Variants in HMGCLL1 observed in about 807,000 individuals in gnomAD.
HMGCLL1 encodes 3-hydroxymethyl-3-methylglutaryl-CoA lyase, cytoplasmic.
A neutral mutation model predicts 39.1 loss-of-function variants in HMGCLL1; 36 were observed. The ratio of observed to expected loss-of-function variants is 0.92; its 90% CI spans 0.71 to 1.22. The LOEUF (loss-of-function observed/expected upper bound fraction) is 1.22, where lower values mean the gene tolerates loss of function less well. Ranked by LOEUF, HMGCLL1 falls within the 50% of genes most tolerant of loss-of-function variation. The pLI is 0.00. For missense variants in HMGCLL1, 451 were observed against 416.5 expected, an observed-to-expected ratio of 1.08 and a Z score of -0.72; for synonymous variants, 149 against 144.0, an observed-to-expected ratio of 1.03 and a Z score of -0.25.
chr6:55,449,827 G>A (rs1764002064), intron 7 of HMGCLL1, among the ~76,000 whole-genome samples: 2 of 152,102 alleles, frequency 1.3e-5, no homozygotes, highest in South Asian at 4.1e-4. Flanking sequence ...GGAAGGAGCT[G>A]CTAACAGTAT....
chr6:55,628,858 G>T, the HMGCLL1 span, among the ~76,000 whole-genome samples: 1 of 152,090 alleles, frequency 6.6e-6, no homozygotes, highest in Non-Finnish European at 1.5e-5. Flanking sequence ...AGTAAGACTT[G>T]ACTTGTTCCT....
intron 3 of HMGCLL1, among the ~76,000 whole-genome samples, chr6:55,522,225 A>G (rs1768078202): frequency 6.6e-6 from 1 of 152,012 alleles, no homozygotes; most frequent in South Asian, 2.1e-4. Context: ...AACATTTAAT[A>G]ACCCTAAACT....
chr6:55,562,281 A>T (rs1581952604), intron 1 of HMGCLL1, among the ~76,000 whole-genome samples: 1 of 152,154 alleles, frequency 6.6e-6, no homozygotes, highest in East Asian at 1.9e-4. Flanking sequence ...ATTTGTTTAG[A>T]ATATACAGTG....
intron 8 of HMGCLL1, among the ~76,000 whole-genome samples, chr6:55,438,903 G>A (rs1446980414): frequency 6.6e-6 from 1 of 151,974 alleles, no homozygotes; most frequent in East Asian, 1.9e-4. Context: ...TGGTTACATA[G>A]CACGTGACTT....
chr6:55,606,909 A>G, the HMGCLL1 span, among the ~76,000 whole-genome samples: 1 of 152,172 alleles, frequency 6.6e-6, no homozygotes, highest in Non-Finnish European at 1.5e-5. Context: ...AAAGGGAGAG[A>G]GAGAAAGAGA....
intron 6 of HMGCLL1, among the ~76,000 whole-genome samples, chr6:55,495,835 C>A (rs187393771): frequency 1.2e-3 from 188 of 152,020 alleles, no homozygotes; most frequent in African/African-American, 4.3e-3. Flanking sequence ...TCAAGTTTGC[C>A]TTAGAGTCAT....
the HMGCLL1 span, among the ~76,000 whole-genome samples, chr6:55,591,499 C>T: frequency 2.6e-5 from 4 of 151,926 alleles, no homozygotes; most frequent in South Asian, 4.2e-4. Context: ...TATTGCTACA[C>T]ATTTATAAAA....
chr6:55,650,484 C>G, the HMGCLL1 span, among the ~76,000 whole-genome samples: 1 of 151,790 alleles, frequency 6.6e-6, no homozygotes, highest in Non-Finnish European at 1.5e-5. Flanking sequence ...CTCTCTCTCT[C>G]TGTTTGTGCT....
the HMGCLL1 span, among the ~76,000 whole-genome samples, chr6:55,585,421 T>C: frequency 6.6e-6 from 1 of 152,134 alleles, no homozygotes; most frequent in African/African-American, 2.4e-5. Flanking sequence ...TATAAAAATA[T>C]CTTTGTTTCC....
At chr6:55,636,896 G>T in the HMGCLL1 span, among the ~76,000 whole-genome samples, 4 of 152,034 alleles carry the variant, frequency 2.6e-5, no homozygotes, top group African/African-American at 7.2e-5. Context: ...AGTATAGGAC[G>T]GTACAAAGGG....
At chr6:55,636,889 A>T in the HMGCLL1 span, among the ~76,000 whole-genome samples, 1 of 152,152 alleles carries the variant, frequency 6.6e-6, no homozygotes, top group Non-Finnish European at 1.5e-5. Context: ...CACCTGGAGT[A>T]TAGGACGGTA....
At chr6:55,587,822 G>A in the HMGCLL1 span, among the ~76,000 whole-genome samples, 714 of 152,134 alleles carry the variant, frequency 4.7e-3, 8 homozygotes, top group African/African-American at 0.016. Flanking sequence ...ATCACATAAT[G>A]GTAAAGGGAT....
chr6:55,652,273 A>T, the HMGCLL1 span, among the ~76,000 whole-genome samples: 1 of 151,956 alleles, frequency 6.6e-6, no homozygotes, highest in African/African-American at 2.4e-5. Context: ...CTCTTATAAA[A>T]TCTTTTTTTT....
chr6:55,474,971 G>C (rs1001401105), intron 7 of HMGCLL1, among the ~76,000 whole-genome samples: 9 of 151,500 alleles, frequency 5.9e-5, no homozygotes, highest in African/African-American at 1.9e-4. Flanking sequence ...GAGCCCTTTC[G>C]GTGTGGTGAT....
At chr6:55,667,880 T>C in the HMGCLL1 span, among the ~76,000 whole-genome samples, 8 of 151,834 alleles carry the variant, frequency 5.3e-5, no homozygotes, top group African/African-American at 1.9e-4. Context: ...TTATACAATA[T>C]ACACTAAATG....
chr6:55,503,203 T>C (rs1293357638), intron 5 of HMGCLL1, among the ~76,000 whole-genome samples: 1 of 151,788 alleles, frequency 6.6e-6, no homozygotes, highest in Non-Finnish European at 1.5e-5. Flanking sequence ...CCTTAATTTC[T>C]TAATTTGGGT....
At chr6:55,464,167 A>G (rs1431090113) in intron 7 of HMGCLL1, among the ~76,000 whole-genome samples, 1 of 152,180 alleles carries the variant, frequency 6.6e-6, no homozygotes, top group Non-Finnish European at 1.5e-5. Flanking sequence ...TAATTTACTA[A>G]TGTACAATAT....
At chr6:55,563,694 C>A in intron 1 of HMGCLL1, 1 of 324,550 alleles carries the variant, frequency 3.1e-6, no homozygotes, top group South Asian at 2.8e-5. Flanking sequence ...AACCTGATAC[C>A]AAAGTTTACA....
At position 55,477,352 on chromosome 6, in the gene HMGCLL1, TAA is replaced by T. The variant is rs1491404721; in HGVS notation, c.795+18065_795+18066del. On this transcript the variant is annotated intron_variant, in intron 7 of 8. Coordinates refer to ENST00000274901, the MANE Select transcript of HMGCLL1 (RefSeq NM_001042406.2). ...TTATATAATATATATTATATTTAGATAATATATATTATATTAATATAATATAT... is the reference window on the plus strand; with the variant it reads ...TTATATAATATATATTATATTTAGATTATATATTATATTAATATAATATAT... 9.1e-5 allele frequency among the ~76,000 whole-genome samples: 3 copies of T among 32,826 alleles called. 1 individual carries two copies. The highest frequency in any genetic ancestry group is 3.7e-3 in the East Asian group (2 of 544). 21.5% of individuals were successfully genotyped at this position (32,826 alleles called of 152,430 possible).
Sources: allele counts gnomAD v4.1 joint callset (sites outside exome capture counted in the v4.1 genomes callset), GRCh38; gene constraint gnomAD v4.1.1; transcripts MANE v1.5; gene names NCBI Gene and HGNC (gene_info 2026-07-23, HGNC 2026-07-21).